DCC: variants seen among roughly 807,000 people sequenced by gnomAD.
The protein encoded by DCC is DCC netrin 1 receptor, also known as netrin receptor DCC.
DCC carries 58 observed loss-of-function variants against 172.5 expected under a neutral mutation model. The observed-to-expected ratio is 0.34, with a 90% CI of 0.27 to 0.42. The LOEUF is 0.42. Ranked by LOEUF, DCC falls within the 10% of genes least tolerant of loss-of-function variation. The probability of loss-of-function intolerance (pLI) is 1.00; values close to 1 mark genes in which losing one functional copy is unlikely to be tolerated. For missense variants in DCC, 1,740 were observed against 1,791.0 expected (o/e 0.97, Z 0.51); for synonymous variants, 709 against 644.5 (o/e 1.10, Z -1.52).
intron 1 of DCC, among the ~76,000 whole-genome samples, chr18:52,414,211 G>A (rs142142692): frequency 0.046 from 7,062 of 152,108 alleles, 246 homozygotes; most frequent in East Asian, 0.11. Context: ...CCCCCAAGTA[G>A]CTGGGAATAC....
At chr18:52,397,799 A>G (rs1194823887) in intron 1 of DCC, among the ~76,000 whole-genome samples, 1 of 152,014 alleles carries the variant, frequency 6.6e-6, no homozygotes, top group African/African-American at 2.4e-5. Flanking sequence ...TTTTATTCCA[A>G]TTAAGCCTCT....
chr18:53,099,677 T>A (rs779029534), intron 7 of DCC, among the ~76,000 whole-genome samples: 20 of 152,166 alleles, frequency 1.3e-4, no homozygotes, highest in Non-Finnish European at 1.3e-4. Context: ...GGGATTAATC[T>A]GTTTTTATCT....
chr18:52,508,858 AGAT>A (rs1329853167), intron 1 of DCC, among the ~76,000 whole-genome samples: 1 of 152,234 alleles, frequency 6.6e-6, no homozygotes, highest in African/African-American at 2.4e-5. Flanking sequence ...AGAGGGAAGA[AGAT>A]GATGACAGAG....
chr18:52,348,226 T>C (rs1443573), intron 1 of DCC, among the ~76,000 whole-genome samples: 130,887 of 152,198 alleles, frequency 0.86, 56,446 homozygotes, highest in African/African-American at 0.91. Context: ...ATCTAATCTA[T>C]TGTTGATGGA....
chr18:52,552,979 G>C (rs553776914), intron 1 of DCC, among the ~76,000 whole-genome samples: 1 of 152,144 alleles, frequency 6.6e-6, no homozygotes, highest in East Asian at 1.9e-4. Context: ...AGTTTCACAG[G>C]CTGCAGGTTA....
intron 26 of DCC, among the ~76,000 whole-genome samples, chr18:53,490,598 C>G (rs1279032107): frequency 3.3e-5 from 5 of 152,182 alleles, no homozygotes; most frequent in Non-Finnish European, 5.9e-5. Context: ...ACTCGATACT[C>G]TGAATTGCAG....
chr18:52,500,115 T>G (rs1224853923), intron 1 of DCC, among the ~76,000 whole-genome samples: 2 of 149,762 alleles, frequency 1.3e-5, no homozygotes, highest in Non-Finnish European at 3.0e-5. Context: ...TTTCACTAGT[T>G]TTTTTTTTTT....
At chr18:53,388,441 T>G (rs1441087461) in intron 16 of DCC, among the ~76,000 whole-genome samples, 2 of 152,150 alleles carry the variant, frequency 1.3e-5, no homozygotes, top group African/African-American at 4.8e-5. Context: ...ACAAAATATA[T>G]CACAGGCAAT....
intron 7 of DCC, among the ~76,000 whole-genome samples, chr18:53,114,790 T>C (rs956334612): frequency 2.0e-5 from 3 of 151,612 alleles, no homozygotes; most frequent in East Asian, 3.9e-4. Flanking sequence ...GGCTCCTTGA[T>C]TACATTTATG....
chr18:52,859,941 GATAAATAA>G (rs150334607), intron 2 of DCC, among the ~76,000 whole-genome samples: 2 of 152,008 alleles, frequency 1.3e-5, no homozygotes, highest in South Asian at 2.1e-4. Flanking sequence ...TAAGCAAAAA[GATAAATAA>G]ATAAATAAAT....
At chr18:53,475,999 T>C (rs2045757688) in intron 25 of DCC, among the ~76,000 whole-genome samples, 1 of 152,120 alleles carries the variant, frequency 6.6e-6, no homozygotes. Flanking sequence ...TCAGAGGAGA[T>C]CATTTTGGAG....
intron 22 of DCC, among the ~76,000 whole-genome samples, chr18:53,445,048 C>A (rs1386661745): frequency 1.3e-5 from 2 of 152,086 alleles, no homozygotes; most frequent in Non-Finnish European, 2.9e-5. Context: ...ATTAAAAATC[C>A]AAATTTTTTT....
intron 1 of DCC, among the ~76,000 whole-genome samples, chr18:52,406,269 C>T (rs1356186382): frequency 6.7e-6 from 1 of 148,996 alleles, no homozygotes; most frequent in Admixed American, 6.7e-5. Context: ...TGGTCAAGGA[C>T]TTCATGTCTA....
intron 27 of DCC, among the ~76,000 whole-genome samples, chr18:53,513,618 G>T (rs1227335149): frequency 6.6e-6 from 1 of 152,000 alleles, no homozygotes; most frequent in African/African-American, 2.4e-5. Flanking sequence ...GATGGAGGAA[G>T]ATCTACCAAG....
intron 1 of DCC, among the ~76,000 whole-genome samples, chr18:52,341,479 G>A (rs1343942222): frequency 6.6e-6 from 1 of 152,176 alleles, no homozygotes; most frequent in African/African-American, 2.4e-5. Context: ...GGGGAGGTGT[G>A]TTTAATATTG....
At chr18:53,372,008 T>C (rs1329493502) in intron 15 of DCC, among the ~76,000 whole-genome samples, 1 of 152,080 alleles carries the variant, frequency 6.6e-6, no homozygotes, top group African/African-American at 2.4e-5. Flanking sequence ...TTATACACTG[T>C]TAGTGAAAGT....
At chr18:52,807,896 A>G (rs536916159) in intron 2 of DCC, among the ~76,000 whole-genome samples, 1 of 152,360 alleles carries the variant, frequency 6.6e-6, no homozygotes, top group South Asian at 2.1e-4. Context: ...TCCTGGATAC[A>G]TATGGGAAAT....
intron 7 of DCC, among the ~76,000 whole-genome samples, chr18:53,116,712 A>C (rs1326778563): frequency 2.0e-5 from 3 of 151,646 alleles, no homozygotes; most frequent in Non-Finnish European, 4.4e-5. Flanking sequence ...AATATCATAC[A>C]CTTCTTCTAC....
At chr18:53,453,127 C>T (rs565973993) in intron 23 of DCC, among the ~76,000 whole-genome samples, 6 of 152,100 alleles carry the variant, frequency 3.9e-5, no homozygotes, top group East Asian at 1.9e-4. Context: ...GTGTTAGCCA[C>T]GATGGTCTTG....
Sources: allele counts gnomAD v4.1 joint callset (sites outside exome capture counted in the v4.1 genomes callset), GRCh38; gene constraint gnomAD v4.1.1; transcripts MANE v1.5; gene names NCBI Gene and HGNC (gene_info 2026-07-23, HGNC 2026-07-21).